Variants in ZNF563 observed in about 807,000 individuals in gnomAD.
The protein encoded by ZNF563 is zinc finger protein 563.
Under a neutral mutation model 48.5 loss-of-function variants are expected in ZNF563, and 39 were observed. The observed-to-expected ratio is 0.80, with a 90% CI of 0.62 to 1.05. ZNF563 has a LOEUF of 1.05. Among genes scored for constraint, ZNF563 ranks in the 50% least tolerant of loss-of-function variants. The probability of loss-of-function intolerance (pLI) is 0.00; values close to 1 mark genes in which losing one functional copy is unlikely to be tolerated. For synonymous variants in ZNF563, 168 were observed against 187.9 expected (o/e 0.89, Z 0.87); for missense variants, 538 against 597.0 (o/e 0.90, Z 1.03).
upstream of ZNF563, among the ~76,000 whole-genome samples, chr19:12,337,986 T>C (rs1969036607): frequency 6.6e-6 from 1 of 152,116 alleles, no homozygotes; most frequent in Non-Finnish European, 1.5e-5. Context: ...ACTGTAGTCC[T>C]AGCTATTCAG....
the ZNF563 span, among the ~76,000 whole-genome samples, chr19:12,339,887 G>A: frequency 6.6e-6 from 1 of 152,170 alleles, no homozygotes; most frequent in Admixed American, 6.5e-5. Flanking sequence ...TACTAAAGCT[G>A]TCAAAAGCCA....
chr19:12,336,341 C>T (rs1568481153), upstream of ZNF563, among the ~76,000 whole-genome samples: 2 of 152,040 alleles, frequency 1.3e-5, no homozygotes, highest in Non-Finnish European at 1.5e-5. Flanking sequence ...ACCTGCAATT[C>T]CAACACTTTG....
intron 1 of ZNF563, among the ~76,000 whole-genome samples, chr19:12,328,079 A>C (rs1392263489): frequency 6.6e-6 from 1 of 152,250 alleles, no homozygotes; most frequent in African/African-American, 2.4e-5. Context: ...ACGTGTTTAC[A>C]GAATCCTTCA....
chr19:12,333,535 G>A lies in ZNF563; in HGVS notation c.-53C>T, dbSNP rs1968976025. 5.6e-6 allele frequency: 9 copies of A among 1,611,130 alleles called. No homozygotes were observed. Among genetic ancestry groups the A allele is most frequent in the Admixed American group, 1.7e-5 (1 of 59,728 alleles). ...CCTCCCTCTGCCTCCCGCTGCCAGT[G>A]CGGGTCCCACTGTGACAGAGGCTGC... is the stretch of plus-strand genomic sequence containing the variant. On this transcript the variant is annotated 5_prime_UTR_variant, in exon 1 of 4. Coordinates refer to ENST00000293725, the MANE Select transcript of ZNF563 (RefSeq NM_145276.3).
At chr19:12,333,671 G>A (rs151239641), upstream of ZNF563, 37 of 831,626 alleles carry the variant, frequency 4.4e-5, 1 homozygote, top group African/African-American at 5.3e-4. Context: ...AAGACGCCGC[G>A]GGCTCTTTGA....
chr19:12,329,957 G>A (rs1457262149), intron 1 of ZNF563, among the ~76,000 whole-genome samples: 1 of 147,422 alleles, frequency 6.8e-6, no homozygotes, highest in Admixed American at 6.9e-5. Flanking sequence ...TTTTGCTCTT[G>A]TTGCCCAGGC....
intron 1 of ZNF563, among the ~76,000 whole-genome samples, chr19:12,325,353 G>A (rs1392240154): frequency 1.3e-5 from 2 of 151,948 alleles, no homozygotes; most frequent in Admixed American, 6.6e-5. Context: ...GGTGGCGCAT[G>A]CCTGTAACCG....
At chr19:12,337,220 TG>T (rs1386923897), upstream of ZNF563, among the ~76,000 whole-genome samples, 1 of 152,142 alleles carries the variant, frequency 6.6e-6, no homozygotes, top group Non-Finnish European at 1.5e-5. Context: ...TCTTTTTTTT[TG>T]AGACGAGCTC....
chr19:12,339,268 GATTT>G, the ZNF563 span, among the ~76,000 whole-genome samples: 4 of 134,682 alleles, frequency 3.0e-5, no homozygotes, highest in African/African-American at 1.1e-4. Context: ...GCATCCAGTT[GATTT>G]CTTTTTTTTT....
At chr19:12,343,303 G>C in the ZNF563 span, among the ~76,000 whole-genome samples, 1 of 152,052 alleles carries the variant, frequency 6.6e-6, no homozygotes, top group African/African-American at 2.4e-5. Context: ...TCTTTAAAAA[G>C]GTAGGAGACA....
rs1288363136 is a variant in ZNF563, at chr19:12,330,536, G to A, written c.3+2944C>T. Among the ~76,000 whole-genome samples, 3 of 152,190 alleles carry A rather than the reference G, an allele frequency of 2.0e-5. No homozygotes were observed. In the East Asian group the frequency reaches 5.8e-4, roughly 29 times the overall value. On this transcript the variant is annotated intron_variant, in intron 1 of 3. Transcript: ENST00000293725. Reference sequence around the variant, plus strand: ...AAGTCTACAGTAATCAGGAGAGTATGGTGTTAGCAAAGTGATGGGTACAAA... The same window carrying A: ...AAGTCTACAGTAATCAGGAGAGTATAGTGTTAGCAAAGTGATGGGTACAAA...
chr19:12,321,092 A>G (rs1968609353), intron 3 of ZNF563, among the ~76,000 whole-genome samples, 180 bp downstream of exon 3: 1 of 152,000 alleles, frequency 6.6e-6, no homozygotes, highest in Admixed American at 6.6e-5. Flanking sequence ...GTGAGCCAAG[A>G]TCATGCCACT....
At chr19:12,327,447 G>A in intron 1 of ZNF563, among the ~76,000 whole-genome samples, 1 of 129,400 alleles carries the variant, frequency 7.7e-6, no homozygotes, top group African/African-American at 3.0e-5. Context: ...GCGACAGAGT[G>A]ACACTCCATC....
intron 1 of ZNF563, among the ~76,000 whole-genome samples, chr19:12,330,227 A>G (rs1008452048): frequency 6.6e-6 from 1 of 152,074 alleles, no homozygotes; most frequent in African/African-American, 2.4e-5. Context: ...GGGCAGAGGT[A>G]ATACTTTCTA....
At chr19:12,320,049 C>T (rs991030985) in intron 3 of ZNF563, among the ~76,000 whole-genome samples, 4 of 151,856 alleles carry the variant, frequency 2.6e-5, no homozygotes, top group Admixed American at 1.3e-4. Flanking sequence ...CCCAAGTAGC[C>T]GGGATTAGAG....
intron 2 of ZNF563, 51 bp from the exon 3 acceptor site, chr19:12,321,383 A>AATCTT: frequency 3.2e-6 from 4 of 1,232,332 alleles, no homozygotes; most frequent in Non-Finnish European, 4.4e-6. Context: ...AATTATATAA[A>AATCTT]ACAGTAAGAT....
chr19:12,332,135 C>T (rs984580028), intron 1 of ZNF563, among the ~76,000 whole-genome samples: 1 of 151,844 alleles, frequency 6.6e-6, no homozygotes, highest in African/African-American at 2.4e-5. Flanking sequence ...GAACTGAGGA[C>T]AGTGTAGAGT....
At chr19:12,336,064 A>G (rs1969017763), upstream of ZNF563, among the ~76,000 whole-genome samples, 8 of 152,308 alleles carry the variant, frequency 5.3e-5, no homozygotes, top group South Asian at 1.7e-3. Context: ...AAGACCCTCA[A>G]TTCCACTGTT....
upstream of ZNF563, among the ~76,000 whole-genome samples, chr19:12,336,047 T>G (rs904097607): frequency 6.6e-6 from 1 of 152,210 alleles, no homozygotes; most frequent in African/African-American, 2.4e-5. Context: ...ATGAGTTAAT[T>G]GAAACAAAGA....
Sources: allele counts gnomAD v4.1 joint callset (sites outside exome capture counted in the v4.1 genomes callset), GRCh38; gene constraint gnomAD v4.1.1; transcripts MANE v1.5; gene names NCBI Gene and HGNC (gene_info 2026-07-23, HGNC 2026-07-21).